Variants in SYNPR observed in about 807,000 individuals in gnomAD.
SYNPR encodes the protein synaptoporin.
A neutral mutation model predicts 32.9 loss-of-function variants in SYNPR; 23 were observed. The observed-to-expected ratio is 0.70, with a 90% CI of 0.50 to 0.99. The LOEUF is 0.99. SYNPR is among the 50% of genes least tolerant of loss of function. The pLI is 0.00. For synonymous variants in SYNPR, 146 were observed against 135.9 expected, an observed-to-expected ratio of 1.07 and a Z score of -0.52; for missense variants, 318 against 349.3, an observed-to-expected ratio of 0.91 and a Z score of 0.71.
intron 2 of SYNPR, among the ~76,000 whole-genome samples, chr3:63,475,504 T>G (rs1700882733): frequency 6.6e-6 from 1 of 152,150 alleles, no homozygotes; most frequent in African/African-American, 2.4e-5. Context: ...ACCTTCAATG[T>G]CTGGTAAGGT....
At chr3:63,260,232 T>C (rs1047558956) in intron 2 of SYNPR, among the ~76,000 whole-genome samples, 2 of 152,192 alleles carry the variant, frequency 1.3e-5, no homozygotes, top group African/African-American at 4.8e-5. Flanking sequence ...TTGAAGTTCA[T>C]ATGGAACCAA....
At chr3:63,413,358 G>T (rs1327933152) in intron 2 of SYNPR, among the ~76,000 whole-genome samples, 1 of 152,106 alleles carries the variant, frequency 6.6e-6, no homozygotes, top group Non-Finnish European at 1.5e-5. Context: ...AGGCTAACAG[G>T]CCAATGAGAC....
At position 63,600,399 on chromosome 3, in the gene SYNPR, G is replaced by A. The variant is rs903894155; in HGVS notation, c.409-8726G>A. Reference sequence around the variant, plus strand: ...GGATACCAGCTGGGTTTGGCCAGTGGGGAGCCTCAGCAGGAGGTGGGACAA... The same window carrying A: ...GGATACCAGCTGGGTTTGGCCAGTGAGGAGCCTCAGCAGGAGGTGGGACAA... On this transcript the variant is annotated intron_variant, in intron 4 of 5. Transcript: ENST00000478300. Among the ~76,000 whole-genome samples the A allele has an allele frequency of 3.9e-5, 6 of 152,276 alleles. No homozygotes were observed. In the East Asian group the frequency reaches 9.7e-4, roughly 25 times the overall value.
intron 4 of SYNPR, among the ~76,000 whole-genome samples, chr3:63,606,300 T>TA (rs1700118127): frequency 6.6e-6 from 1 of 152,090 alleles, no homozygotes. Flanking sequence ...ACCAGCTTCT[T>TA]AAAATACCAT....
chr3:63,587,849 G>A (rs1212240022), intron 4 of SYNPR, among the ~76,000 whole-genome samples: 1 of 152,036 alleles, frequency 6.6e-6, no homozygotes. Flanking sequence ...GGCCTCAGGG[G>A]ATCCTCCCGT....
chr3:63,417,458 G>A (rs1173681449), intron 2 of SYNPR, among the ~76,000 whole-genome samples: 1 of 152,192 alleles, frequency 6.6e-6, no homozygotes, highest in African/African-American at 2.4e-5. Flanking sequence ...ATCTACCACT[G>A]TGGGGTTTGG....
intron 2 of SYNPR, among the ~76,000 whole-genome samples, chr3:63,261,819 T>A (rs919742082): frequency 2.0e-5 from 3 of 147,896 alleles, no homozygotes; most frequent in African/African-American, 7.8e-5. Flanking sequence ...TAGGTGGGAA[T>A]TGAACAATGA....
chr3:63,271,149 T>C (rs1320936425), intron 3 of SYNPR, among the ~76,000 whole-genome samples: 1 of 152,128 alleles, frequency 6.6e-6, no homozygotes, highest in Non-Finnish European at 1.5e-5. Context: ...GAGTACTATT[T>C]GCCAAGCAGG....
At chr3:63,285,349 C>T (rs2106923536) in intron 2 of SYNPR, among the ~76,000 whole-genome samples, 1 of 146,190 alleles carries the variant, frequency 6.8e-6, no homozygotes, top group African/African-American at 2.6e-5. Context: ...ATAATTTAAT[C>T]TCATTTTTTA....
At chr3:63,357,398 G>A (rs955374357) in intron 2 of SYNPR, among the ~76,000 whole-genome samples, 41 of 152,208 alleles carry the variant, frequency 2.7e-4, no homozygotes, top group African/African-American at 8.7e-4. Flanking sequence ...ACCCTTCAGT[G>A]ATGCTGCTTT....
chr3:63,446,646 G>A (rs1031681605), intron 2 of SYNPR, among the ~76,000 whole-genome samples: 2 of 152,156 alleles, frequency 1.3e-5, no homozygotes, highest in Non-Finnish European at 2.9e-5. Context: ...GCTGCATTAT[G>A]AGAAAGGATT....
chr3:63,269,575 T>C (rs1244782460), intron 3 of SYNPR, among the ~76,000 whole-genome samples: 1 of 152,190 alleles, frequency 6.6e-6, no homozygotes, highest in East Asian at 1.9e-4. Context: ...ATTATTGTTA[T>C]TAGCACCAAT....
In SYNPR at chr3:63,463,866, T is replaced by G. The variant is rs184934739; in HGVS notation, c.85-16966T>G. 7.2e-5 allele frequency among the ~76,000 whole-genome samples: 11 copies of G among 152,322 alleles called. 1 individual carries two copies. The highest frequency in any genetic ancestry group is 6.8e-3 in the Middle Eastern group (2 of 294). On this transcript the variant is annotated intron_variant, in intron 2 of 5. Transcript: ENST00000478300. Reference sequence around the variant, plus strand: ...GATAATCTCACACCTTGGAATCTTGTCATTCAATTTTTGTAAATTTTATTT... The same window carrying G: ...GATAATCTCACACCTTGGAATCTTGGCATTCAATTTTTGTAAATTTTATTT...
chr3:63,481,435 GTATA>G (rs71636051), intron 3 of SYNPR, among the ~76,000 whole-genome samples: 44 of 147,762 alleles, frequency 3.0e-4, no homozygotes, highest in African/African-American at 9.9e-4. Flanking sequence ...TATATTAAGT[GTATA>G]TATATATATA....
intron 2 of SYNPR, among the ~76,000 whole-genome samples, chr3:63,468,153 C>T (rs181853886): frequency 4.1e-5 from 6 of 145,346 alleles, no homozygotes; most frequent in Non-Finnish European, 8.9e-5. Context: ...GAGATGGTGC[C>T]GTTGCACTCC....
At chr3:63,256,875 G>A (rs550721600) in intron 2 of SYNPR, among the ~76,000 whole-genome samples, 1 of 152,306 alleles carries the variant, frequency 6.6e-6, no homozygotes, top group African/African-American at 2.4e-5. Context: ...AGTCCTTAAA[G>A]GACCTGATGG....
At chr3:63,551,689 A>G (rs1306084349) in intron 3 of SYNPR, among the ~76,000 whole-genome samples, 1 of 152,058 alleles carries the variant, frequency 6.6e-6, no homozygotes, top group Non-Finnish European at 1.5e-5. Flanking sequence ...AATTCCTATT[A>G]TCTTTAAATC....
chr3:63,281,445 G>C (rs915174036), intron 2 of SYNPR, among the ~76,000 whole-genome samples: 75 of 152,186 alleles, frequency 4.9e-4, no homozygotes, highest in Non-Finnish European at 1.5e-4. Context: ...AAACTGGATA[G>C]CTTATACACA....
intron 2 of SYNPR, among the ~76,000 whole-genome samples, chr3:63,453,645 G>T (rs779532360): frequency 6.6e-6 from 1 of 152,110 alleles, no homozygotes; most frequent in African/African-American, 2.4e-5. Flanking sequence ...GGGAGGAACT[G>T]ACACTGGAAT....
Sources: gnomAD v4.1 joint callset for allele counts (sites outside exome capture counted in the v4.1 genomes callset) on GRCh38, gnomAD v4.1.1 for gene constraint, MANE v1.5 for transcripts, NCBI Gene and HGNC (gene_info 2026-07-23, HGNC 2026-07-21) for gene names.